Variants in SRP68 observed in about 807,000 individuals in gnomAD.
SRP68 encodes signal recognition particle subunit SRP68.
In SRP68, 15 loss-of-function variants were observed where a neutral mutation model predicts 82.2. The ratio of observed to expected loss-of-function variants is 0.18; its 90% CI spans 0.12 to 0.28. SRP68 has a LOEUF of 0.28. Ranked by LOEUF, SRP68 falls within the 10% of genes least tolerant of loss-of-function variation. The probability of loss-of-function intolerance (pLI) is 1.00; values close to 1 mark genes in which losing one functional copy is unlikely to be tolerated. For synonymous variants in SRP68, 261 were observed against 292.6 expected (o/e 0.89, Z 1.10); for missense variants, 595 against 780.5 (o/e 0.76, Z 2.83).
chr17:76,059,315 C>T (rs1461577258), intron 7 of SRP68, among the ~76,000 whole-genome samples: 2 of 152,114 alleles, frequency 1.3e-5, no homozygotes, highest in Non-Finnish European at 2.9e-5. Context: ...GAGGCAGAGG[C>T]AGGTGGATCA....
Position 76,043,898 on chromosome 17 carries a change from C to G in SRP68, c.1455G>C (p.Leu485=), listed in dbSNP as rs113561001. 6.2e-7 allele frequency: 1 copy of G among 1,611,794 alleles called. No individual in the cohort carries two copies. The highest frequency in any genetic ancestry group is 1.1e-5 in the South Asian group (1 of 90,724). The part of the protein sequence containing the change: ...LVKKWSEALV[L]YDRVLKYANE... Reference sequence around the variant, plus strand: ...TTGCATATTTCAGGACTCTGTCATACAGGACAAGGGCTTCGCTCCACTTCT... The same window carrying G: ...TTGCATATTTCAGGACTCTGTCATAGAGGACAAGGGCTTCGCTCCACTTCT... The change falls in exon 13 of 16, where the codon CTG becomes CTC. Residue 485 remains leucine (L), a synonymous_variant. Coordinates refer to ENST00000307877, the MANE Select transcript of SRP68 (RefSeq NM_014230.4).
intron 12 of SRP68, among the ~76,000 whole-genome samples, chr17:76,044,360 C>T (rs2066614214): frequency 6.6e-6 from 1 of 152,234 alleles, no homozygotes; most frequent in African/African-American, 2.4e-5. Flanking sequence ...AAACAAAACT[C>T]ACAGAAGGTT....
rs182447450 is a variant in SRP68 at position 76,044,414 on chromosome 17, C to T, written c.1395-456G>A. On this transcript the variant is annotated intron_variant, in intron 12 of 15. Transcript: ENST00000307877. ...TCTCCTGGGCTCAGCAGAGCCTGAG[C>T]GCTGCTGGTCCCTGACAGGACAGAA... 9.8e-5 allele frequency among the ~76,000 whole-genome samples: 15 copies of T among 152,322 alleles called. No homozygotes were observed. The East Asian group carries it at 1.7e-3, about 18-fold the overall frequency.
chr17:76,054,292 G>A, intron 8 of SRP68, among the ~76,000 whole-genome samples: 1 of 152,130 alleles, frequency 6.6e-6, no homozygotes, highest in East Asian at 1.9e-4. Context: ...GGAAATTGCT[G>A]GAAGGTGGTA....
At chr17:76,060,709 A>G (rs1176366109) in intron 6 of SRP68, 1 of 349,986 alleles carries the variant, frequency 2.9e-6, no homozygotes. Flanking sequence ...AGGGCCATCA[A>G]TTGTAACAAA....
At chr17:76,070,678 TA>T (rs1402767460) in intron 1 of SRP68, among the ~76,000 whole-genome samples, 1 of 151,998 alleles carries the variant, frequency 6.6e-6, no homozygotes, top group Non-Finnish European at 1.5e-5. Context: ...CCGTCTCTAC[TA>T]AAAACACAAA....
In SRP68 at chr17:76,061,495, C is replaced by T; in HGVS notation, c.641G>A (p.Cys214Tyr). Residue 214 changes from cysteine (C) to tyrosine (Y), a missense_variant, in exon 5 of 16, where the codon TGC (cysteine) becomes TAC (tyrosine). Around this residue, in one of 2 missense-constraint regions of SRP68, gnomAD observed 495 missense variants for 688.6 expected, o/e 0.72. Transcript: ENST00000307877. The part of the protein sequence containing the change: ...WKAAIEAFNK[C>Y]KTIYEKLASA... Reference sequence around the variant, plus strand: ...GCCTTTGGACTATAGGACTTACTTGCATTTGTTAAAAGCCTCAATGGCAGC... The same window carrying T: ...GCCTTTGGACTATAGGACTTACTTGTATTTGTTAAAAGCCTCAATGGCAGC... 1.2e-6 allele frequency: 2 copies of T among 1,613,458 alleles called. No individual in the cohort carries two copies. Among genetic ancestry groups the T allele is most frequent in the Non-Finnish European group, 1.7e-6 (2 of 1,179,772 alleles).
chr17:76,051,048 A>T (rs768546164), intron 8 of SRP68, among the ~76,000 whole-genome samples: 4 of 152,232 alleles, frequency 2.6e-5, no homozygotes, highest in Non-Finnish European at 4.4e-5. Context: ...GGTACAAGGA[A>T]ATAATAAAAA....
At chr17:76,045,188 T>C (rs1317114096) in intron 12 of SRP68, 104 bp downstream of exon 12, 4 of 833,740 alleles carry the variant, frequency 4.8e-6, no homozygotes, top group South Asian at 1.6e-5. Flanking sequence ...AAGGTAACCA[T>C]ACACTCAAGG....
chr17:76,063,856 A>C, intron 4 of SRP68, 120 bp downstream of exon 4: 1 of 819,876 alleles, frequency 1.2e-6, no homozygotes, highest in Non-Finnish European at 1.8e-6. Flanking sequence ...AAGTTCGGAA[A>C]GTTTTTTTCC....
chr17:76,042,188 C>T (rs2066596281), intron 13 of SRP68, among the ~76,000 whole-genome samples: 1 of 151,952 alleles, frequency 6.6e-6, no homozygotes, highest in Admixed American at 6.6e-5. Flanking sequence ...CCGGCCCCTG[C>T]TTGCTTTTCT....
At chr17:76,063,744 C>G (rs1433214436) in intron 4 of SRP68, among the ~76,000 whole-genome samples, 1 of 149,720 alleles carries the variant, frequency 6.7e-6, no homozygotes, top group African/African-American at 2.4e-5. Context: ...CTTGGGAATA[C>G]TCATTCTATT....
At chr17:76,069,156 G>A (rs2066829652) in intron 2 of SRP68, among the ~76,000 whole-genome samples, 1 of 152,028 alleles carries the variant, frequency 6.6e-6, no homozygotes, top group Admixed American at 6.6e-5. Context: ...GGGAGGCTGA[G>A]GCAGGCAGAT....
chr17:76,055,778 AAACTTT>A (rs1046226126), intron 8 of SRP68, among the ~76,000 whole-genome samples: 11 of 150,988 alleles, frequency 7.3e-5, no homozygotes, highest in Non-Finnish European at 1.6e-4. Flanking sequence ...ATGTGTATTT[AAACTTT>A]AAGTTATTAA....
chr17:76,067,380 GAAT>G (rs765829829), intron 2 of SRP68, 50 bp from the exon 3 acceptor site: 3 of 1,379,594 alleles, frequency 2.2e-6, no homozygotes, highest in Non-Finnish European at 3.1e-6. Context: ...AGAGTATTTT[GAAT>G]AATAAATTCT....
At position 76,061,577 on chromosome 17, in the gene SRP68, G is replaced by A. The variant is rs1288738317; in HGVS notation, c.562-3C>T. 2 of 1,612,768 alleles carry A rather than the reference G, an allele frequency of 1.2e-6. No individual in the cohort carries two copies. Among genetic ancestry groups the A allele is most frequent in the Admixed American group, 3.3e-5 (2 of 59,940 alleles). Reference sequence around the variant, plus strand: ...CCTGAGAGGTAAGCTGTGTAAGCCTGTGAGGAGATGGAAGAGGAGGAACTG... The same window carrying A: ...CCTGAGAGGTAAGCTGTGTAAGCCTATGAGGAGATGGAAGAGGAGGAACTG... On this transcript the variant is annotated splice_region_variant and splice_polypyrimidine_tract_variant and intron_variant, in intron 4 of 15. Transcript: ENST00000307877.
At chr17:76,059,712 C>T (rs1201032972) in intron 7 of SRP68, among the ~76,000 whole-genome samples, 4 of 145,922 alleles carry the variant, frequency 2.7e-5, no homozygotes, top group Non-Finnish European at 5.9e-5. Flanking sequence ...GCTGGGAGGC[C>T]GAGGCGGGCA....
At chr17:76,062,729 T>TTTTATA (rs1263754442) in intron 4 of SRP68, among the ~76,000 whole-genome samples, 1 of 14,514 alleles carries the variant, frequency 6.9e-5, no homozygotes, top group Non-Finnish European at 9.4e-5. Context: ...TATATTTATT[T>TTTTATA]TATATATATA....
intron 4 of SRP68, among the ~76,000 whole-genome samples, chr17:76,062,498 A>T (rs536282867): frequency 5.4e-4 from 57 of 105,794 alleles, no homozygotes; most frequent in Non-Finnish European, 4.6e-4. Flanking sequence ...ATATATATAT[A>T]ATATATATAT....
Sources: gnomAD v4.1 joint callset for allele counts (sites outside exome capture counted in the v4.1 genomes callset) on GRCh38, gnomAD v4.1.1 for gene constraint, gnomAD v4.1.1 regional missense constraint, MANE v1.5 for transcripts, NCBI Gene and HGNC (gene_info 2026-07-23, HGNC 2026-07-21) for gene names.